CFAP20DC: variants seen among roughly 807,000 people sequenced by gnomAD.
CFAP20DC encodes the protein protein CFAP20DC.
In CFAP20DC, 84 loss-of-function variants were observed where a neutral mutation model predicts 101.7. The observed-to-expected ratio is 0.83, with a 90% CI of 0.69 to 0.99. The LOEUF is 0.99. Among genes scored for constraint, CFAP20DC ranks in the 50% least tolerant of loss-of-function variants. CFAP20DC has a pLI of 0.00. For missense variants in CFAP20DC, 1,007 were observed against 970.3 expected (o/e 1.04, Z -0.50); for synonymous variants, 359 against 351.2 (o/e 1.02, Z -0.25).
intron 11 of CFAP20DC, among the ~76,000 whole-genome samples, chr3:58,866,218 T>G (rs1411477430): frequency 6.6e-6 from 1 of 152,224 alleles, no homozygotes; most frequent in African/African-American, 2.4e-5. Context: ...GCAAGATATG[T>G]TGATGGGCTC....
At chr3:58,925,734 A>C (rs2085886077) in intron 5 of CFAP20DC, among the ~76,000 whole-genome samples, 1 of 152,222 alleles carries the variant, frequency 6.6e-6, no homozygotes, top group African/African-American at 2.4e-5. Context: ...GCACTGTCTA[A>C]CTGTTGAGGA....
intron 4 of CFAP20DC, among the ~76,000 whole-genome samples, chr3:58,982,580 A>G (rs1050165138): frequency 3.3e-5 from 5 of 151,860 alleles, no homozygotes; most frequent in African/African-American, 9.7e-5. Context: ...ACTGGAAACC[A>G]TTATTCTAAG....
rs1205497348 is a variant in CFAP20DC at position 58,913,871 on chromosome 3, TAG to T, written c.394-9_394-8del. ...CAATGCATAGATTGCACCACTAAAA[TAG>T]AGAGATGCAAAGAAGAGTAAGGACC... On this transcript the variant is annotated splice_region_variant and splice_polypyrimidine_tract_variant and intron_variant, in intron 5 of 16. Coordinates refer to ENST00000482387, the MANE Select transcript of CFAP20DC (RefSeq NM_001394063.1). The surrounding 1 kb of genome is among the most constrained non-coding windows in gnomAD (Gnocchi z 4.4). 1.2e-6 allele frequency: 2 copies of T among 1,613,160 alleles called. No homozygotes were observed. The highest frequency in any genetic ancestry group is 1.7e-4 in the Middle Eastern group (1 of 6,050).
chr3:58,872,651 AG>A (rs2080332329), intron 7 of CFAP20DC, among the ~76,000 whole-genome samples: 1 of 152,182 alleles, frequency 6.6e-6, no homozygotes, highest in African/African-American at 2.4e-5. Flanking sequence ...AAGCCCTATT[AG>A]GTAGGAGAGA....
intron 4 of CFAP20DC, among the ~76,000 whole-genome samples, chr3:58,998,056 A>G (rs2093194178): frequency 6.6e-6 from 1 of 152,212 alleles, no homozygotes; most frequent in South Asian, 2.1e-4. Flanking sequence ...CAAAAGCACT[A>G]GCCCAAGCTT....
chr3:58,872,780 A>T (rs1043240844), intron 7 of CFAP20DC, among the ~76,000 whole-genome samples: 3 of 151,912 alleles, frequency 2.0e-5, no homozygotes, highest in Non-Finnish European at 4.4e-5. Context: ...GAGGTGATAA[A>T]TTTTTTGTCA....
At chr3:58,745,857 G>A (rs1378723188) in intron 16 of CFAP20DC, among the ~76,000 whole-genome samples, 2 of 152,080 alleles carry the variant, frequency 1.3e-5, no homozygotes, top group Non-Finnish European at 2.9e-5. Context: ...TGGGATATTG[G>A]GAAATTCACT....
intron 5 of CFAP20DC, among the ~76,000 whole-genome samples, chr3:58,926,518 T>A (rs774689503): frequency 1.3e-5 from 2 of 152,218 alleles, no homozygotes; most frequent in Non-Finnish European, 2.9e-5. Flanking sequence ...TCTCTAATTG[T>A]ATTTTGTACG....
At chr3:58,817,349 G>A (rs1164825678) in intron 14 of CFAP20DC, among the ~76,000 whole-genome samples, 4 of 151,982 alleles carry the variant, frequency 2.6e-5, no homozygotes, top group East Asian at 1.9e-4. Context: ...TCTGAGCTAT[G>A]GGAGGACATT....
At chr3:58,935,520 A>G (rs1031761389) in intron 5 of CFAP20DC, among the ~76,000 whole-genome samples, 3 of 151,916 alleles carry the variant, frequency 2.0e-5, no homozygotes, top group African/African-American at 7.3e-5. Flanking sequence ...CTGACTTCAA[A>G]CTATACTACA....
chr3:58,807,926 T>A (rs1395633551), intron 14 of CFAP20DC, among the ~76,000 whole-genome samples: 2 of 152,116 alleles, frequency 1.3e-5, no homozygotes. Context: ...TGTAGAAGCC[T>A]CAGGAGCCCA....
chr3:59,023,923 A>G (rs1371400132), intron 4 of CFAP20DC, among the ~76,000 whole-genome samples: 3 of 152,116 alleles, frequency 2.0e-5, no homozygotes, highest in African/African-American at 7.2e-5. Context: ...TACGTAAAAC[A>G]TATAAACATT....
intron 13 of CFAP20DC, among the ~76,000 whole-genome samples, chr3:58,833,032 T>C (rs965268192): frequency 1.3e-5 from 2 of 152,206 alleles, no homozygotes; most frequent in Non-Finnish European, 2.9e-5. Flanking sequence ...TACATACACT[T>C]TCTTGGAGGA....
At chr3:58,752,570 C>T (rs547148106) in intron 16 of CFAP20DC, among the ~76,000 whole-genome samples, 2 of 152,282 alleles carry the variant, frequency 1.3e-5, no homozygotes, top group South Asian at 2.1e-4. Flanking sequence ...TTATTTAGGA[C>T]ACCTAACATA....
intron 4 of CFAP20DC, among the ~76,000 whole-genome samples, chr3:59,021,284 G>A (rs2093797839): frequency 6.6e-6 from 1 of 152,050 alleles, no homozygotes; most frequent in African/African-American, 2.4e-5. Flanking sequence ...TAAAGTACAT[G>A]ACCTAGGACA....
chr3:58,931,107 C>T (rs2086601905), intron 5 of CFAP20DC, among the ~76,000 whole-genome samples: 3 of 152,172 alleles, frequency 2.0e-5, no homozygotes, highest in East Asian at 1.9e-4. Flanking sequence ...AAACGGCGCA[C>T]CAGGAGATTA....
intron 4 of CFAP20DC, among the ~76,000 whole-genome samples, chr3:59,037,342 G>A (rs2094122606): frequency 6.6e-6 from 1 of 151,772 alleles, no homozygotes; most frequent in South Asian, 2.1e-4. Context: ...GAGTGAACAG[G>A]CAACCTACAG....
chr3:58,969,365 T>C (rs1392271104), intron 4 of CFAP20DC, among the ~76,000 whole-genome samples: 1 of 152,062 alleles, frequency 6.6e-6, no homozygotes, highest in Non-Finnish European at 1.5e-5. Flanking sequence ...TGTGGAGAAA[T>C]GAGAATCCTC....
intron 15 of CFAP20DC, among the ~76,000 whole-genome samples, chr3:58,769,652 G>C (rs889103224): frequency 4.6e-5 from 7 of 152,090 alleles, no homozygotes; most frequent in African/African-American, 1.7e-4. Context: ...GCAGCTAGTT[G>C]AGAATGACAT....
Sources: gnomAD v4.1 joint callset for allele counts (sites outside exome capture counted in the v4.1 genomes callset) on GRCh38, gnomAD v4.1.1 for gene constraint, Gnocchi (gnomAD v3.1) non-coding constraint, MANE v1.5 for transcripts, NCBI Gene and HGNC (gene_info 2026-07-23, HGNC 2026-07-21) for gene names.